EML1: variants seen among roughly 807,000 people sequenced by gnomAD.
EML1 encodes EMAP like 1.
Under a neutral mutation model 110.4 loss-of-function variants are expected in EML1, and 27 were observed. The observed-to-expected ratio is 0.24, with a 90% CI of 0.18 to 0.34. EML1 has a LOEUF of 0.34. Ranked by LOEUF, EML1 falls within the 10% of genes least tolerant of loss-of-function variation. EML1 has a pLI of 1.00. For synonymous variants in EML1, 344 were observed against 385.8 expected (o/e 0.89, Z 1.27); for missense variants, 741 against 1,030.9 (o/e 0.72, Z 3.85).
At chr14:99,917,937 C>A in intron 16 of EML1, 88 bp downstream of exon 16, 3 of 1,335,994 alleles carry the variant, frequency 2.2e-6, no homozygotes, top group South Asian at 1.2e-5. Flanking sequence ...GGCCCCCGTT[C>A]AGCTCTTGGC....
chr14:99,909,218 AAAT>A, intron 10 of EML1, 124 bp from the exon 11 acceptor site: 1 of 1,397,310 alleles, frequency 7.2e-7, no homozygotes, highest in South Asian at 1.2e-5. Context: ...TCAATGGGGG[AAAT>A]AATAGGCATT....
chr14:99,860,242 G>A (rs140709856), intron 2 of EML1, among the ~76,000 whole-genome samples: 3 of 152,132 alleles, frequency 2.0e-5, no homozygotes, highest in East Asian at 3.9e-4. Flanking sequence ...GTTTGTTGTC[G>A]TGTTTTGCCT....
Position 99,917,062 on chromosome 14 carries a change from T to C in EML1, c.1753-720T>C, listed in dbSNP as rs370823353. On this transcript the variant is annotated intron_variant, in intron 15 of 21. Transcript: ENST00000262233. ...ATAGTGTTTTGCACCCAGTGGGCAC[T>C]CACCCAGTCTCCGTGTCATGGAGTT... Among the ~76,000 whole-genome samples the C allele has an allele frequency of 1.4e-4, 21 of 152,174 alleles. 1 individual carries two copies. The East Asian group carries it at 2.1e-3, about 15-fold the overall frequency.
At chr14:99,866,607 G>C (rs1331775537) in intron 3 of EML1, among the ~76,000 whole-genome samples, 1 of 145,452 alleles carries the variant, frequency 6.9e-6, no homozygotes, top group African/African-American at 2.5e-5. Context: ...GAGTTCAGTA[G>C]TGTTAAGTAT....
chr14:99,801,507 C>T (rs1356146838), intron 1 of EML1, among the ~76,000 whole-genome samples: 2 of 151,672 alleles, frequency 1.3e-5, no homozygotes, highest in South Asian at 2.1e-4. Context: ...CCCAGCTACT[C>T]GGGAGGCTGA....
intron 1 of EML1, among the ~76,000 whole-genome samples, chr14:99,759,303 C>A (rs1382871412): frequency 6.6e-6 from 1 of 152,228 alleles, no homozygotes; most frequent in East Asian, 1.9e-4. Flanking sequence ...AGGCATGCTG[C>A]AGTCAGGCAG....
intron 1 of EML1, among the ~76,000 whole-genome samples, chr14:99,742,123 C>G (rs143116340): frequency 6.6e-6 from 1 of 152,176 alleles, no homozygotes; most frequent in East Asian, 1.9e-4. Flanking sequence ...AAGTACCCCC[C>G]ACCTCAGCCC....
intron 1 of EML1, among the ~76,000 whole-genome samples, chr14:99,766,373 T>C (rs946233993): frequency 2.0e-5 from 3 of 152,032 alleles, no homozygotes; most frequent in Admixed American, 1.3e-4. Flanking sequence ...TTTGTATTTT[T>C]AGTAGAGACA....
At chr14:99,837,692 A>G (rs2058562416) in intron 1 of EML1, among the ~76,000 whole-genome samples, 1 of 152,222 alleles carries the variant, frequency 6.6e-6, no homozygotes, top group African/African-American at 2.4e-5. Context: ...TTTTGTCCTG[A>G]AACAGTACCA....
chr14:99,858,608 G>A (rs2058947169), intron 2 of EML1, among the ~76,000 whole-genome samples: 1 of 152,170 alleles, frequency 6.6e-6, no homozygotes, highest in Non-Finnish European at 1.5e-5. Flanking sequence ...GTATGCGTAG[G>A]GCATTTTGTA....
intron 16 of EML1, among the ~76,000 whole-genome samples, chr14:99,919,425 G>GACACACACACAGACACAC (rs1555404814): frequency 0.032 from 3,133 of 97,424 alleles, 49 homozygotes; most frequent in Non-Finnish European, 0.042. Context: ...CATGCACACA[G>GACACACACACAGACACAC]ACACACACAC....
chr14:99,758,116 A>G (rs1245188311), intron 1 of EML1, among the ~76,000 whole-genome samples: 1 of 152,228 alleles, frequency 6.6e-6, no homozygotes, highest in Non-Finnish European at 1.5e-5. Context: ...GAGAAAGAAA[A>G]GAACACTGAC....
chr14:99,935,021 A>G (rs2060442728), intron 17 of EML1, among the ~76,000 whole-genome samples: 1 of 152,192 alleles, frequency 6.6e-6, no homozygotes, highest in Non-Finnish European at 1.5e-5. Flanking sequence ...CCAGGCAGAG[A>G]GCAGTGAGTG....
chr14:99,838,918 C>CGCGCGTGTGG (rs3071409), intron 1 of EML1: 1 of 33,614 alleles, frequency 3.0e-5, no homozygotes, highest in South Asian at 1.0e-3. Flanking sequence ...CGCGCGCGCG[C>CGCGCGTGTGG]GTGTGTGTGT....
chr14:99,857,063 C>T (rs1036876242), intron 2 of EML1, among the ~76,000 whole-genome samples: 3 of 152,056 alleles, frequency 2.0e-5, no homozygotes, highest in Non-Finnish European at 2.9e-5. Flanking sequence ...CTTGAGCCCA[C>T]GAGTTAGAGA....
In EML1 at chr14:99,840,331, C is replaced by T. The variant is rs559395099; in HGVS notation, c.68-10522C>T. On this transcript the variant is annotated intron_variant, in intron 1 of 21. Coordinates refer to ENST00000262233, the MANE Select transcript of EML1 (RefSeq NM_004434.3). ...ACAGAAATCTCACTGGAATTAATAC[C>T]TGTCATTTGGATGGAGAACTCATAT... Among the ~76,000 whole-genome samples, 6 of 152,250 alleles carry T rather than the reference C, an allele frequency of 3.9e-5. No individual in the cohort carries two copies. In the South Asian group the frequency reaches 1.2e-3, roughly 32 times the overall value.
intron 1 of EML1, among the ~76,000 whole-genome samples, chr14:99,751,365 C>T (rs1030842105): frequency 6.6e-6 from 1 of 152,056 alleles, no homozygotes; most frequent in Non-Finnish European, 1.5e-5. Flanking sequence ...CCTGGGTGAC[C>T]CAGCACGGAA....
chr14:99,854,027 G>C (rs749662546), intron 2 of EML1, among the ~76,000 whole-genome samples: 2 of 152,142 alleles, frequency 1.3e-5, no homozygotes, highest in African/African-American at 4.8e-5. Context: ...GTTTTTTAAT[G>C]CTTAGGTCTC....
rs533723964 is a variant in EML1 at position 99,826,222 on chromosome 14, C to T, written c.68-24631C>T. On this transcript the variant is annotated intron_variant, in intron 1 of 21. Coordinates refer to ENST00000262233, the MANE Select transcript of EML1 (RefSeq NM_004434.3). ...CCTCCTCCCAGGTTCAAGCAATTCT[C>T]CTGCCTCAGCCTCTCGAGTAACTGG... Among the ~76,000 whole-genome samples, 27 of 150,316 alleles carry T rather than the reference C, an allele frequency of 1.8e-4. No individual in the cohort carries two copies. The East Asian group carries it at 5.1e-3, about 28-fold the overall frequency.
Sources: gnomAD v4.1 joint callset for allele counts (sites outside exome capture counted in the v4.1 genomes callset) on GRCh38, gnomAD v4.1.1 for gene constraint, MANE v1.5 for transcripts, NCBI Gene and HGNC (gene_info 2026-07-23, HGNC 2026-07-21) for gene names.